CCDC7: variants seen among roughly 807,000 people sequenced by gnomAD.
CCDC7 encodes coiled-coil domain-containing protein 7.
CCDC7 carries 183 observed loss-of-function variants against 196.9 expected under a neutral mutation model. That is an observed-to-expected ratio of 0.93 (90% CI 0.82 to 1.05). The LOEUF (loss-of-function observed/expected upper bound fraction) is 1.05, where lower values mean the gene tolerates loss of function less well. Among genes scored for constraint, CCDC7 ranks in the 50% least tolerant of loss-of-function variants. The pLI, the probability that CCDC7 is intolerant of heterozygous loss-of-function variation, is 0.00. For missense variants in CCDC7, 1,540 were observed against 1,482.2 expected (o/e 1.04, Z -0.64); for synonymous variants, 525 against 484.6 (o/e 1.08, Z -1.10).
At chr10:32,790,437 G>C (rs1329675148) in intron 29 of CCDC7, among the ~76,000 whole-genome samples, 1 of 152,208 alleles carries the variant, frequency 6.6e-6, no homozygotes, top group Non-Finnish European at 1.5e-5. Context: ...GACTGCACCT[G>C]GGGCCATTGG....
intron 8 of CCDC7, among the ~76,000 whole-genome samples, chr10:32,479,337 G>A (rs1564398105): frequency 1.3e-5 from 2 of 152,032 alleles, no homozygotes; most frequent in Non-Finnish European, 1.5e-5. Flanking sequence ...ACTGTTGACT[G>A]TGTAGCTGTG....
chr10:32,450,997 A>G (rs1010117649), upstream of CCDC7, among the ~76,000 whole-genome samples: 5 of 151,780 alleles, frequency 3.3e-5, no homozygotes, highest in Non-Finnish European at 5.9e-5. Context: ...TCATTTTTTC[A>G]GAGTTGATTT....
chr10:32,591,864 G>A (rs1194934780), intron 18 of CCDC7, among the ~76,000 whole-genome samples: 2 of 152,184 alleles, frequency 1.3e-5, no homozygotes. Flanking sequence ...TAAGAGCAAA[G>A]GTCTGGAATT....
intron 29 of CCDC7, among the ~76,000 whole-genome samples, chr10:32,797,144 T>TAC (rs1279427855): frequency 1.1e-4 from 17 of 151,740 alleles, no homozygotes; most frequent in South Asian, 2.1e-4. Flanking sequence ...AACGAGTGGA[T>TAC]AAACTGTGGT....
intron 18 of CCDC7, among the ~76,000 whole-genome samples, chr10:32,590,795 A>C (rs896569354): frequency 6.6e-6 from 1 of 152,170 alleles, no homozygotes; most frequent in African/African-American, 2.4e-5. Context: ...CTCTTTAAAT[A>C]TGTCCTACTA....
intron 18 of CCDC7, among the ~76,000 whole-genome samples, chr10:32,590,218 G>T (rs2059656685): frequency 6.6e-6 from 1 of 151,448 alleles, no homozygotes; most frequent in South Asian, 2.1e-4. Flanking sequence ...TTTATTTTTT[G>T]TGTGTCCATT....
chr10:32,854,188 C>T (rs538184357), intron 40 of CCDC7, among the ~76,000 whole-genome samples: 2 of 151,940 alleles, frequency 1.3e-5, no homozygotes, highest in South Asian at 2.1e-4. Flanking sequence ...TTGATTTGTA[C>T]TCTTATAATG....
At chr10:32,837,264 G>C (rs2092677693) in intron 33 of CCDC7, among the ~76,000 whole-genome samples, 1 of 152,300 alleles carries the variant, frequency 6.6e-6, no homozygotes, top group East Asian at 1.9e-4. Context: ...AGTGGGCGAA[G>C]GATGTGAACA....
intron 29 of CCDC7, among the ~76,000 whole-genome samples, chr10:32,785,809 T>C (rs2081770029): frequency 6.6e-6 from 1 of 152,244 alleles, no homozygotes; most frequent in African/African-American, 2.4e-5. Flanking sequence ...TAGTTTGGTC[T>C]CTTACCATAA....
intron 13 of CCDC7, among the ~76,000 whole-genome samples, chr10:32,553,697 A>G (rs1325512586): frequency 1.3e-5 from 2 of 152,066 alleles, no homozygotes; most frequent in Non-Finnish European, 2.9e-5. Flanking sequence ...TTCTGGGTCT[A>G]GCTACCCAGT....
chr10:32,790,688 G>A lies in CCDC7; in HGVS notation c.3013+11604G>A, dbSNP rs557605624. 4.3e-4 allele frequency among the ~76,000 whole-genome samples: 66 copies of A among 152,244 alleles called. 2 individuals carry two copies. In the South Asian group the frequency reaches 0.013, roughly 31 times the overall value. ...CTTTGGAATGCATTTTTTCTCCACA[G>A]CTGTGTCAGTGCTTCATTCTGATTC... On this transcript the variant is annotated intron_variant, in intron 29 of 41. Coordinates refer to ENST00000639629, the Ensembl canonical transcript of CCDC7.
intron 30 of CCDC7, among the ~76,000 whole-genome samples, chr10:32,812,197 A>AC (rs2087309444): frequency 6.6e-6 from 1 of 152,066 alleles, no homozygotes; most frequent in Non-Finnish European, 1.5e-5. Context: ...TATCACATGT[A>AC]CCCCATAAAT....
intron 9 of CCDC7, among the ~76,000 whole-genome samples, chr10:32,511,079 CAA>C (rs2046037008): frequency 1.3e-5 from 2 of 151,782 alleles, no homozygotes; most frequent in African/African-American, 4.8e-5. Flanking sequence ...AGAGTCTCAT[CAA>C]AAGAGATGGT....
chr10:32,537,147 A>G (rs2050639920), intron 11 of CCDC7, among the ~76,000 whole-genome samples: 5 of 152,196 alleles, frequency 3.3e-5, no homozygotes, highest in Middle Eastern at 3.4e-3. Context: ...TTTTCTCCTC[A>G]ACCTCACTGG....
At chr10:32,797,263 A>G (rs924163584) in intron 29 of CCDC7, among the ~76,000 whole-genome samples, 1 of 151,020 alleles carries the variant, frequency 6.6e-6, no homozygotes, top group Non-Finnish European at 1.5e-5. Context: ...ATGTGTGTAT[A>G]TATATGCGTA....
At chr10:32,477,755 A>T (rs568730871) in intron 8 of CCDC7, among the ~76,000 whole-genome samples, 1 of 152,202 alleles carries the variant, frequency 6.6e-6, no homozygotes, top group South Asian at 2.1e-4. Context: ...GCTTTTAGTA[A>T]GTATTGAAGT....
intron 20 of CCDC7, among the ~76,000 whole-genome samples, chr10:32,660,366 A>C (rs1409607542): frequency 7.1e-6 from 1 of 140,120 alleles, no homozygotes; most frequent in African/African-American, 2.7e-5. Context: ...ATGAGTGAGA[A>C]TATGTGGTGT....
chr10:32,762,592 A>G (rs1007148310), intron 28 of CCDC7, among the ~76,000 whole-genome samples: 9 of 151,658 alleles, frequency 5.9e-5, no homozygotes, highest in African/African-American at 2.2e-4. Flanking sequence ...TTGTATTACA[A>G]AGTGATTTTA....
intron 21 of CCDC7, among the ~76,000 whole-genome samples, chr10:32,671,330 A>T (rs369220875): frequency 1.3e-5 from 2 of 152,168 alleles, no homozygotes; most frequent in South Asian, 2.1e-4. Flanking sequence ...TTACCATTTT[A>T]TTCAAATTGA....
Sources: allele counts gnomAD v4.1 joint callset (sites outside exome capture counted in the v4.1 genomes callset), GRCh38; gene constraint gnomAD v4.1.1; transcripts MANE v1.5; gene names NCBI Gene and HGNC (gene_info 2026-07-23, HGNC 2026-07-21).